The following FLT1 variants were observed in gnomAD, a reference collection of about 807,000 sequenced individuals.
FLT1 encodes the protein vascular endothelial growth factor receptor 1.
Under a neutral mutation model 156.3 loss-of-function variants are expected in FLT1, and 49 were observed. The ratio of observed to expected loss-of-function variants is 0.31; its 90% CI spans 0.25 to 0.40. FLT1 has a LOEUF of 0.40. Ranked by LOEUF, FLT1 falls within the 10% of genes least tolerant of loss-of-function variation. The probability of loss-of-function intolerance (pLI) is 1.00; values close to 1 mark genes in which losing one functional copy is unlikely to be tolerated. For synonymous variants in FLT1, 594 were observed against 583.8 expected, an observed-to-expected ratio of 1.02 and a Z score of -0.25; for missense variants, 1,322 against 1,637.2, an observed-to-expected ratio of 0.81 and a Z score of 3.32.
At chr13:28,374,265 A>T (rs1473843258) in intron 14 of FLT1, among the ~76,000 whole-genome samples, 1 of 151,970 alleles carries the variant, frequency 6.6e-6, no homozygotes, top group Non-Finnish European at 1.5e-5. Flanking sequence ...AAGAAAAAAA[A>T]ATAGCTGGGT....
Position 28,431,163 on chromosome 13 carries a change from A to G in FLT1, c.961T>C (p.Ser321Pro). The change falls in exon 7 of 30, where the codon TCT becomes CCT. Residue 321 changes from serine (S) to proline (P), a missense_variant. Transcript: ENST00000282397. ...TATATATGCACTGAGGTGTTAACAGATTTGAATGATGGTCCACTCCTTACA... is the reference window on the plus strand; with the variant it reads ...TATATATGCACTGAGGTGTTAACAGGTTTGAATGATGGTCCACTCCTTACA... Reference protein sequence around the residue: ...CRVRSGPSFKSVNTSVHIYDK... With the variant: ...CRVRSGPSFKPVNTSVHIYDK... 1 of 1,613,884 alleles carries G rather than the reference A, an allele frequency of 6.2e-7. No individual in the cohort carries two copies. The highest frequency in any genetic ancestry group is 8.5e-7 in the Non-Finnish European group (1 of 1,179,764).
At chr13:28,453,097 C>A (rs1322442661) in intron 3 of FLT1, among the ~76,000 whole-genome samples, 1 of 62,358 alleles carries the variant, frequency 1.6e-5, no homozygotes, top group Non-Finnish European at 2.8e-5. Flanking sequence ...CTTTCCTTTC[C>A]TTTCCTTTCC....
Position 28,300,757 on chromosome 13 carries a change from G to C in FLT1, c.*2410C>G, listed in dbSNP as rs1020854769. The C allele has an allele frequency of 8.6e-6, 2 of 232,988 alleles. No homozygotes were observed. The highest frequency in any genetic ancestry group is 4.4e-5 in the African/African-American group (2 of 45,284). 14.4% of individuals were successfully genotyped at this position (232,988 alleles called of 1,614,324 possible). On this transcript the variant is annotated 3_prime_UTR_variant, in exon 30 of 30. Transcript: ENST00000282397. Reference sequence around the variant, plus strand: ...GTTTCAGCCCCATTCCACCCAGACTGTTCCACGTACATTATCTCAGAAACT... The same window carrying C: ...GTTTCAGCCCCATTCCACCCAGACTCTTCCACGTACATTATCTCAGAAACT...
chr13:28,326,988 A>G (rs1448134490), intron 20 of FLT1, among the ~76,000 whole-genome samples: 1 of 152,226 alleles, frequency 6.6e-6, no homozygotes, highest in Non-Finnish European at 1.5e-5. Context: ...AAGAAAGATA[A>G]TGATTTTTGG....
intron 1 of FLT1, among the ~76,000 whole-genome samples, chr13:28,483,212 C>T (rs185008929): frequency 5.3e-5 from 8 of 152,302 alleles, no homozygotes; most frequent in Admixed American, 1.3e-4. Context: ...TACCATTAAT[C>T]ATAGATGCAG....
At chr13:28,387,164 A>T in intron 13 of FLT1, 1 of 1,035,600 alleles carries the variant, frequency 9.7e-7, no homozygotes, top group Non-Finnish European at 1.2e-6. Flanking sequence ...GAAGCAGCAA[A>T]AAGGCTGCAG....
intron 18 of FLT1, among the ~76,000 whole-genome samples, chr13:28,329,976 A>G (rs1011381339): frequency 6.6e-6 from 1 of 152,206 alleles, no homozygotes; most frequent in Non-Finnish European, 1.5e-5. Flanking sequence ...CTCTTGGTGG[A>G]CCTAGTTCTC....
intron 10 of FLT1, among the ~76,000 whole-genome samples, chr13:28,425,773 A>C (rs894386833): frequency 6.6e-6 from 1 of 152,234 alleles, no homozygotes; most frequent in African/African-American, 2.4e-5. Context: ...ACATATGTCA[A>C]GACCCTAAAC....
intron 27 of FLT1, among the ~76,000 whole-genome samples, chr13:28,309,884 CTTTTTT>C (rs60568918): frequency 0.21 from 19,485 of 90,908 alleles, 1,594 homozygotes; most frequent in Middle Eastern, 0.37. Flanking sequence ...TTCTTTTTTC[CTTTTTT>C]TTTTTTTTTT....
At chr13:28,334,672 G>A (rs11618797) in intron 17 of FLT1, among the ~76,000 whole-genome samples, 5,352 of 152,272 alleles carry the variant, frequency 0.035, 283 homozygotes, top group Admixed American at 0.15. Flanking sequence ...TCTTTCTAAT[G>A]TGTCTTAGGT....
intron 1 of FLT1, among the ~76,000 whole-genome samples, chr13:28,473,663 A>T (rs1566049927): frequency 1.4e-5 from 2 of 138,422 alleles, no homozygotes. Flanking sequence ...GAAAGAAAGA[A>T]AGAAAGAAAG....
chr13:28,413,699 A>C (rs1481921254), intron 10 of FLT1, among the ~76,000 whole-genome samples: 1 of 152,214 alleles, frequency 6.6e-6, no homozygotes, highest in Non-Finnish European at 1.5e-5. Flanking sequence ...CTCAGTGGAG[A>C]ATATTTTAAG....
chr13:28,385,834 C>A, intron 13 of FLT1: 2 of 1,051,886 alleles, frequency 1.9e-6, no homozygotes, highest in Non-Finnish European at 2.3e-6. Flanking sequence ...AACAGCAGTA[C>A]CCCCAAGGCC....
chr13:28,494,040 G>T (rs1252097535), intron 1 of FLT1, among the ~76,000 whole-genome samples: 1 of 152,234 alleles, frequency 6.6e-6, no homozygotes, highest in Non-Finnish European at 1.5e-5. Flanking sequence ...CGCGCACCAC[G>T]CCTGCTCCCG....
intron 14 of FLT1, among the ~76,000 whole-genome samples, chr13:28,371,047 G>C (rs1424093589): frequency 6.6e-6 from 1 of 152,168 alleles, no homozygotes; most frequent in Non-Finnish European, 1.5e-5. Context: ...CTGCTAAAAA[G>C]AGTGGGGTAG....
At chr13:28,372,713 C>G (rs1255404555) in intron 14 of FLT1, among the ~76,000 whole-genome samples, 5 of 150,556 alleles carry the variant, frequency 3.3e-5, no homozygotes, top group Admixed American at 6.6e-5. Context: ...GAAACCCCGT[C>G]TCTACTAAAA....
At chr13:28,416,803 T>C (rs1406739717) in intron 10 of FLT1, among the ~76,000 whole-genome samples, 3 of 152,218 alleles carry the variant, frequency 2.0e-5, no homozygotes, top group African/African-American at 7.2e-5. Flanking sequence ...GTTCAAGTAC[T>C]TTTTTCATAC....
At position 28,364,177 on chromosome 13, in the gene FLT1, T is replaced by C. The variant is rs76709728; in HGVS notation, c.2117-6492A>G. 4.2e-3 allele frequency among the ~76,000 whole-genome samples: 640 copies of C among 152,312 alleles called. 2 individuals carry two copies. The highest frequency in any genetic ancestry group is 0.014 in the African/African-American group (599 of 41,584). ...AAGTCTTCCTTCATTGTATGAACAG[T>C]CTTTTAAATTTCACTTATGGTAAAT... is the stretch of plus-strand genomic sequence containing the variant. On this transcript the variant is annotated intron_variant, in intron 14 of 29. Coordinates refer to ENST00000282397, the MANE Select transcript of FLT1 (RefSeq NM_002019.4).
intron 1 of FLT1, among the ~76,000 whole-genome samples, chr13:28,488,607 G>A (rs1470744048): frequency 1.3e-5 from 2 of 152,290 alleles, no homozygotes; most frequent in East Asian, 1.9e-4. Context: ...GGAGTATGAT[G>A]TGGGAATGTG....
Sources: gnomAD v4.1 joint callset for allele counts (sites outside exome capture counted in the v4.1 genomes callset) on GRCh38, gnomAD v4.1.1 for gene constraint, MANE v1.5 for transcripts, NCBI Gene and HGNC (gene_info 2026-07-23, HGNC 2026-07-21) for gene names.